Variants in PTPRD observed in about 807,000 individuals in gnomAD.
PTPRD encodes the protein receptor-type tyrosine-protein phosphatase delta.
In PTPRD, 34 loss-of-function variants were observed where a neutral mutation model predicts 214.5. The observed-to-expected ratio is 0.16, with a 90% CI of 0.12 to 0.21. The LOEUF (loss-of-function observed/expected upper bound fraction) is 0.21. Among genes scored for constraint, PTPRD ranks in the 10% least tolerant of loss-of-function variants. The probability of loss-of-function intolerance (pLI) is 1.00; values close to 1 mark genes in which losing one functional copy is unlikely to be tolerated. For synonymous variants in PTPRD, 1,128 were observed against 845.7 expected, an observed-to-expected ratio of 1.33 and a Z score of -5.79; for missense variants, 2,545 against 2,398.7, an observed-to-expected ratio of 1.06 and a Z score of -1.27.
chr9:9,064,808 C>T (rs540982535), intron 10 of PTPRD, among the ~76,000 whole-genome samples: 8 of 152,190 alleles, frequency 5.3e-5, no homozygotes, highest in African/African-American at 1.4e-4. Flanking sequence ...TTCAGAAAAG[C>T]GACTTCAATA....
At chr9:10,035,286 A>AT (rs200744704) in intron 3 of PTPRD, among the ~76,000 whole-genome samples, 3,167 of 150,666 alleles carry the variant, frequency 0.021, 80 homozygotes, top group African/African-American at 0.063. Context: ...TTAATGGGGT[A>AT]TTTTTTTTTC....
intron 8 of PTPRD, among the ~76,000 whole-genome samples, chr9:9,458,633 T>G (rs917298591): frequency 6.6e-6 from 1 of 152,090 alleles, no homozygotes; most frequent in African/African-American, 2.4e-5. Context: ...GGACAGTGGA[T>G]GCCAGCTATC....
intron 14 of PTPRD, among the ~76,000 whole-genome samples, chr9:8,595,914 C>G (rs372710597): frequency 1.4e-4 from 22 of 152,086 alleles, no homozygotes; most frequent in African/African-American, 4.8e-4. Flanking sequence ...CTTAGTTACC[C>G]ACAACAGATG....
intron 2 of PTPRD, among the ~76,000 whole-genome samples, chr9:10,609,232 G>C (rs995391491): frequency 6.6e-6 from 1 of 152,024 alleles, no homozygotes; most frequent in African/African-American, 2.4e-5. Context: ...TAGATCAATA[G>C]AGACACATGG....
At chr9:8,348,046 A>T (rs1385616849) in intron 39 of PTPRD, among the ~76,000 whole-genome samples, 2 of 152,016 alleles carry the variant, frequency 1.3e-5, no homozygotes, top group Non-Finnish European at 2.9e-5. Flanking sequence ...AAGATATCCT[A>T]AAAAAAAGTG....
intron 11 of PTPRD, among the ~76,000 whole-genome samples, chr9:8,752,196 T>C (rs1031741417): frequency 1.3e-5 from 2 of 152,068 alleles, no homozygotes; most frequent in Non-Finnish European, 2.9e-5. Flanking sequence ...CAGGATGAGA[T>C]AGGAGGTCCG....
At chr9:10,304,604 C>G (rs1407692324) in intron 3 of PTPRD, among the ~76,000 whole-genome samples, 2 of 151,944 alleles carry the variant, frequency 1.3e-5, no homozygotes, top group East Asian at 3.9e-4. Flanking sequence ...CACAAGGATC[C>G]CTATATACAA....
At chr9:9,788,406 C>T (rs1197631718) in intron 5 of PTPRD, among the ~76,000 whole-genome samples, 1 of 151,254 alleles carries the variant, frequency 6.6e-6, no homozygotes, top group Non-Finnish European at 1.5e-5. Context: ...AAAAAAATTA[C>T]CCGGGCATGG....
chr9:8,953,185 G>C (rs1184986426), intron 11 of PTPRD, among the ~76,000 whole-genome samples: 1 of 151,878 alleles, frequency 6.6e-6, no homozygotes, highest in Admixed American at 6.6e-5. Flanking sequence ...TTGTGCAAAA[G>C]TGTGAGTGAA....
In PTPRD at chr9:8,796,259, A is replaced by C. The variant is rs565036066; in HGVS notation, c.-103-62313T>G. 1.5e-4 allele frequency among the ~76,000 whole-genome samples: 23 copies of C among 152,330 alleles called. No individual in the cohort carries two copies. The South Asian group carries it at 4.8e-3, about 32-fold the overall frequency. The stretch of plus-strand genomic sequence containing the variant: ...CAAGTTTTAAGTAAATTTTAATTAT[A>C]CTGGAATCTAATATTTCAAATTTCC... On this transcript the variant is annotated intron_variant, in intron 11 of 45. Coordinates refer to ENST00000381196, the MANE Select transcript of PTPRD (RefSeq NM_002839.4).
intron 4 of PTPRD, among the ~76,000 whole-genome samples, chr9:10,004,545 T>A (rs1409279740): frequency 1.3e-5 from 2 of 151,986 alleles, no homozygotes; most frequent in Admixed American, 6.6e-5. Context: ...AAACAAAATA[T>A]TTTTAAGCCA....
At chr9:9,285,405 A>G (rs545044970) in intron 9 of PTPRD, among the ~76,000 whole-genome samples, 123 of 151,702 alleles carry the variant, frequency 8.1e-4, no homozygotes, top group Non-Finnish European at 1.4e-3. Flanking sequence ...CTATTCTAAA[A>G]TTTTTTTTCT....
chr9:9,326,570 A>G (rs1027574751), intron 9 of PTPRD, among the ~76,000 whole-genome samples: 1 of 152,086 alleles, frequency 6.6e-6, no homozygotes, highest in African/African-American at 2.4e-5. Flanking sequence ...GAAAATAAAA[A>G]AAGAAAAATG....
At chr9:9,266,176 T>A (rs1215221322) in intron 9 of PTPRD, among the ~76,000 whole-genome samples, 1 of 151,348 alleles carries the variant, frequency 6.6e-6, no homozygotes, top group Non-Finnish European at 1.5e-5. Context: ...GGTCAAATCA[T>A]CAAAAGGATG....
chr9:10,440,204 T>C (rs935344337), intron 2 of PTPRD, among the ~76,000 whole-genome samples: 1 of 151,694 alleles, frequency 6.6e-6, no homozygotes, highest in African/African-American at 2.4e-5. Context: ...TAGGAAACTA[T>C]AAAAACAGTT....
At chr9:9,282,305 C>A (rs1200943718) in intron 9 of PTPRD, among the ~76,000 whole-genome samples, 1 of 151,048 alleles carries the variant, frequency 6.6e-6, no homozygotes, top group Non-Finnish European at 1.5e-5. Flanking sequence ...GATAATGGGG[C>A]AGGATATGTA....
chr9:9,984,813 G>C (rs2095654533), intron 4 of PTPRD, among the ~76,000 whole-genome samples: 1 of 152,244 alleles, frequency 6.6e-6, no homozygotes, highest in Non-Finnish European at 1.5e-5. Flanking sequence ...CAGTGTCCAT[G>C]TCAGGAGGAC....
intron 9 of PTPRD, among the ~76,000 whole-genome samples, chr9:9,246,680 T>C (rs1477990166): frequency 1.3e-5 from 2 of 152,022 alleles, no homozygotes; most frequent in African/African-American, 4.8e-5. Context: ...CACTTTGGAG[T>C]AAGCCCACCG....
intron 10 of PTPRD, among the ~76,000 whole-genome samples, chr9:9,033,629 A>G (rs1000827655): frequency 6.6e-6 from 1 of 152,080 alleles, no homozygotes; most frequent in Non-Finnish European, 1.5e-5. Context: ...GATTGGCTGC[A>G]ATTCTGAATG....
Sources: allele counts gnomAD v4.1 joint callset (sites outside exome capture counted in the v4.1 genomes callset), GRCh38; gene constraint gnomAD v4.1.1; transcripts MANE v1.5; gene names NCBI Gene and HGNC (gene_info 2026-07-23, HGNC 2026-07-21).